The following NCF4 variants were observed in gnomAD, a reference collection of about 807,000 sequenced individuals.
NCF4 encodes neutrophil cytosol factor 4.
In NCF4, 30 loss-of-function variants were observed where a neutral mutation model predicts 41.7. The ratio of observed to expected loss-of-function variants is 0.72; its 90% CI spans 0.54 to 0.97. The LOEUF is 0.97. Among genes scored for constraint, NCF4 ranks in the 50% least tolerant of loss-of-function variants. NCF4 has a pLI of 0.00. For synonymous variants in NCF4, 195 were observed against 175.8 expected (o/e 1.11, Z -0.87); for missense variants, 432 against 460.9 (o/e 0.94, Z 0.57).
At chr22:36,868,545 T>C (rs1248066782) in intron 4 of NCF4, among the ~76,000 whole-genome samples, 4 of 150,618 alleles carry the variant, frequency 2.7e-5, no homozygotes, top group Non-Finnish European at 5.9e-5. Context: ...GCAGGAATCC[T>C]GGGCTCTGAG....
In NCF4 at chr22:36,870,342, C is replaced by G. The variant is rs28485904; in HGVS notation, c.343-73C>G. The G allele has an allele frequency of 6.2e-6, 10 of 1,604,628 alleles. No homozygotes were observed. In the African/African-American group the frequency reaches 1.2e-4, roughly 19 times the overall value. On this transcript the variant is annotated intron_variant, in intron 4 of 9. Coordinates refer to ENST00000248899, the MANE Select transcript of NCF4 (RefSeq NM_000631.5). Reference sequence around the variant, plus strand: ...GAGGGCTGATGTCAGGGCTCGGGGACGGGACATCTAGGCTGGGGTGTCCAG... The same window carrying G: ...GAGGGCTGATGTCAGGGCTCGGGGAGGGGACATCTAGGCTGGGGTGTCCAG...
rs749683166 is a variant in NCF4 at position 36,872,314 on chromosome 22, C to T, written c.529-13C>T. ...GTTCTCTCCTTCCCTCCTTACTGCA[C>T]GCTTCTCCTCAGGCTCTATTTGACT... is the stretch of plus-strand genomic sequence containing the variant. On this transcript the variant is annotated splice_polypyrimidine_tract_variant and intron_variant, in intron 6 of 9. Transcript: ENST00000248899. 37 of 1,573,190 alleles carry T rather than the reference C, an allele frequency of 2.4e-5. No individual in the cohort carries two copies. Among genetic ancestry groups the T allele is most frequent in the East Asian group, 2.0e-4 (9 of 44,704 alleles).
At position 36,877,742 on chromosome 22, in the gene NCF4, C is replaced by T. The variant is rs1332400626; in HGVS notation, c.939C>T (p.Leu313=). The part of the protein sequence containing the change: ...VALMVRQARG[L]PSQKRLFPWK... ...TCATGGTGCGGCAGGCTCGTGGCCTCCCCTCCCAGAAGCGCCTCTTCCCCT... is the reference window on the plus strand; with the variant it reads ...TCATGGTGCGGCAGGCTCGTGGCCTTCCCTCCCAGAAGCGCCTCTTCCCCT... Residue 313 remains leucine (L), a synonymous_variant, in exon 10 of 10, where the codon CTC becomes CTT. Coordinates refer to ENST00000248899, the MANE Select transcript of NCF4 (RefSeq NM_000631.5). The T allele has an allele frequency of 1.2e-6, 2 of 1,614,064 alleles. No homozygotes were observed. Among genetic ancestry groups the T allele is most frequent in the South Asian group, 2.2e-5 (2 of 91,080 alleles).
rs1276552917 is a variant in NCF4 at position 36,865,613 on chromosome 22, T to A, written c.271+541T>A. Among the ~76,000 whole-genome samples the A allele has an allele frequency of 6.6e-6, 1 of 151,820 alleles. No homozygotes were observed. Among genetic ancestry groups the A allele is most frequent in the Non-Finnish European group, 1.5e-5 (1 of 67,958 alleles). ...TCCTGGTCCTTCCTCCCCAGCTGGA[T>A]CCTAACGCGCACCTTGGACAGCGCC... On this transcript the variant is annotated intron_variant, in intron 3 of 9. Transcript: ENST00000248899. The surrounding 1 kb of genome is among the most constrained non-coding windows in gnomAD (Gnocchi z 4.3).
intron 1 of NCF4, among the ~76,000 whole-genome samples, chr22:36,861,979 G>A (rs138514693): frequency 3.9e-5 from 6 of 152,360 alleles, no homozygotes; most frequent in Middle Eastern, 3.4e-3. Flanking sequence ...GGCCCAGGGA[G>A]GATAAGAGAC....
At chr22:36,863,876 T>C (rs567501672) in intron 1 of NCF4, among the ~76,000 whole-genome samples, 169 bp from the exon 2 acceptor site, 1 of 152,044 alleles carries the variant, frequency 6.6e-6, no homozygotes, top group Admixed American at 6.5e-5. Flanking sequence ...TGTGTCTTGT[T>C]ATCTCCGTAT....
At chr22:36,866,217 C>A (rs747138338) in intron 3 of NCF4, among the ~76,000 whole-genome samples, 10 of 152,074 alleles carry the variant, frequency 6.6e-5, no homozygotes, top group Admixed American at 1.3e-4. Context: ...CATGGCCATC[C>A]TCTCCTTAAC....
chr22:36,865,212 C>T lies in NCF4; in HGVS notation c.271+140C>T, dbSNP rs1939899586. 7.7e-7 allele frequency: 1 copy of T among 1,304,410 alleles called. No individual in the cohort carries two copies. Among genetic ancestry groups the T allele is most frequent in the East Asian group, 2.5e-5 (1 of 39,888 alleles). 80.8% of individuals were successfully genotyped at this position (1,304,410 alleles called of 1,614,324 possible). A position where few individuals can be genotyped will look rare whatever the true frequency, so the allele number is the denominator to read the frequency against. On this transcript the variant is annotated intron_variant, in intron 3 of 9. Transcript: ENST00000248899. The surrounding 1 kb of genome is among the most constrained non-coding windows in gnomAD (Gnocchi z 4.3). ...TTATAGCCCCCACTCCCGGCAGTTA[C>T]AGGCTGCCAAGCCCTCCCTGCATGG...
At chr22:36,872,670 G>A (rs932811886) in intron 7 of NCF4, among the ~76,000 whole-genome samples, 27 of 33,044 alleles carry the variant, frequency 8.2e-4, no homozygotes, top group Non-Finnish European at 1.9e-3. Context: ...TGGAGGTGAG[G>A]ATGGAGGTGA....
chr22:36,861,220 G>A lies in NCF4; in HGVS notation c.32+17G>A. ...GGCCGAGAGGTGAGTGCCGGGGTGT[G>A]GCCGCCCCCGGGCCTTCTCACTGCT... On this transcript the variant is annotated intron_variant, in intron 1 of 9. Transcript: ENST00000248899. 6.4e-7 allele frequency: 1 copy of A among 1,551,436 alleles called. No individual in the cohort carries two copies. Among genetic ancestry groups the A allele is most frequent in the Non-Finnish European group, 8.7e-7 (1 of 1,146,796 alleles).
chr22:36,874,701 T>C (rs187328305), intron 7 of NCF4, among the ~76,000 whole-genome samples: 4 of 152,304 alleles, frequency 2.6e-5, no homozygotes. Flanking sequence ...TAAAATGGCA[T>C]GTAAATAATC....
Position 36,865,459 on chromosome 22 carries a change from C to T in NCF4, c.271+387C>T, listed in dbSNP as rs538565478. ...CCTGCCCACCCTCAGCTTCCTCCCA[C>T]GAGACCAGCCCTCTGACTTCATGGT... On this transcript the variant is annotated intron_variant, in intron 3 of 9. Transcript: ENST00000248899. This position sits in a 1 kb window ranked among gnomAD's most constrained non-coding sequence, Gnocchi z 4.3. 3.3e-5 allele frequency among the ~76,000 whole-genome samples: 5 copies of T among 152,290 alleles called. No homozygotes were observed. The highest frequency in any genetic ancestry group is 2.1e-4 in the South Asian group (1 of 4,832).
chr22:36,861,014 G>A lies in NCF4; in HGVS notation c.-158G>A, dbSNP rs1214298876. The A allele has an allele frequency of 1.1e-6, 1 of 941,260 alleles. No individual in the cohort carries two copies. Among genetic ancestry groups the A allele is most frequent in the Non-Finnish European group, 1.7e-6 (1 of 594,164 alleles). 58.3% of individuals were successfully genotyped at this position (941,260 alleles called of 1,614,324 possible). Reference sequence around the variant, plus strand: ...GAGGAGGAGCCTCTGCCAGACTGGAGAGAAGCAGGCCTGAGCCTCCCCAAA... The same window carrying A: ...GAGGAGGAGCCTCTGCCAGACTGGAAAGAAGCAGGCCTGAGCCTCCCCAAA... On this transcript the variant is annotated 5_prime_UTR_variant, in exon 1 of 10. Coordinates refer to ENST00000248899, the MANE Select transcript of NCF4 (RefSeq NM_000631.5).
Position 36,861,083 on chromosome 22 carries a change from G to T in NCF4, c.-89G>T, listed in dbSNP as rs1324512340. 6.6e-7 allele frequency: 1 copy of T among 1,512,132 alleles called. No homozygotes were observed. The highest frequency in any genetic ancestry group is 9.0e-7 in the Non-Finnish European group (1 of 1,111,714). The allele number at this position is 1,512,132 out of a possible 1,614,324, so 93.7% of individuals were successfully genotyped here. A position where few individuals can be genotyped will look rare whatever the true frequency, so the allele number is the denominator to read the frequency against. ...CCAGGACCACAGGCTGAGACGAGAC[G>T]CAGGGTGGCTGGAGGAAGTGAGAGG... On this transcript the variant is annotated 5_prime_UTR_variant, in exon 1 of 10. Coordinates refer to ENST00000248899, the MANE Select transcript of NCF4 (RefSeq NM_000631.5).
chr22:36,869,002 C>G (rs1053450020), intron 4 of NCF4, among the ~76,000 whole-genome samples: 4 of 152,192 alleles, frequency 2.6e-5, no homozygotes, highest in Non-Finnish European at 4.4e-5. Flanking sequence ...ATGTGAATCA[C>G]ATGATAATGA....
Position 36,864,970 on chromosome 22 carries a change from C to T in NCF4, c.169C>T (p.Arg57Cys), listed in dbSNP as rs767200492. The T allele has an allele frequency of 6.8e-6, 11 of 1,614,074 alleles. No individual in the cohort carries two copies. Among genetic ancestry groups the T allele is most frequent in the African/African-American group, 4.0e-5 (3 of 75,006 alleles). Residue 57 changes from arginine to cysteine, a missense_variant, in exon 3 of 10, where the codon CGC (arginine) becomes TGC (cysteine). By Grantham distance (180) the Arg-to-Cys change is radical. Coordinates refer to ENST00000248899, the MANE Select transcript of NCF4 (RefSeq NM_000631.5). Reference sequence around the variant, plus strand: ...AGGAGGATCCAAGTACCTCATCTACCGCCGCTACCGCCAGTTCCATGCTTT... The same window carrying T: ...AGGAGGATCCAAGTACCTCATCTACTGCCGCTACCGCCAGTTCCATGCTTT... ...TKGGSKYLIY[R>C]RYRQFHALQS...
Position 36,870,559 on chromosome 22 carries a change from T to G in NCF4, c.470+17T>G, listed in dbSNP as rs963662785. On this transcript the variant is annotated intron_variant, in intron 5 of 9. Transcript: ENST00000248899. ...CCGGAAAGTGTAAGTGACCAGCCCC[T>G]GGGCTTCCACATGGCCAGAGCCCTG... 5 of 1,609,268 alleles carry G rather than the reference T, an allele frequency of 3.1e-6. No homozygotes were observed. In the African/African-American group the frequency reaches 6.7e-5, roughly 21 times the overall value.
intron 3 of NCF4, among the ~76,000 whole-genome samples, chr22:36,866,338 C>T (rs1939926246): frequency 6.6e-6 from 1 of 152,046 alleles, no homozygotes; most frequent in Non-Finnish European, 1.5e-5. Flanking sequence ...ATCTTCACAC[C>T]CCCACTCCTT....
intron 9 of NCF4, 45 bp from the exon 10 acceptor site, chr22:36,877,583 C>T: frequency 6.2e-7 from 1 of 1,606,654 alleles, no homozygotes; most frequent in Non-Finnish European, 8.5e-7. Context: ...CCTACCCCTA[C>T]CTTACGCTTA....
Sources: allele counts gnomAD v4.1 joint callset (sites outside exome capture counted in the v4.1 genomes callset), GRCh38; gene constraint gnomAD v4.1.1; non-coding constraint Gnocchi (gnomAD v3.1); transcripts MANE v1.5; gene names NCBI Gene and HGNC (gene_info 2026-07-23, HGNC 2026-07-21).